Variants in GALNT9 observed in about 807,000 individuals in gnomAD.
The protein encoded by GALNT9 is GalNAc transferase 9.
In GALNT9, 47 loss-of-function variants were observed where a neutral mutation model predicts 63.1. The observed-to-expected ratio is 0.75, with a 90% CI of 0.59 to 0.95. The LOEUF (loss-of-function observed/expected upper bound fraction) is 0.95, where lower values mean the gene tolerates loss of function less well. Among genes scored for constraint, GALNT9 ranks in the 40% least tolerant of loss-of-function variants. The pLI, the probability that GALNT9 is intolerant of heterozygous loss-of-function variation, is 0.00. For synonymous variants in GALNT9, 396 were observed against 365.7 expected (o/e 1.08, Z -0.94); for missense variants, 829 against 874.8 (o/e 0.95, Z 0.66).
chr12:132,292,383 C>T (rs903219827), intron 1 of GALNT9, among the ~76,000 whole-genome samples: 1 of 152,202 alleles, frequency 6.6e-6, no homozygotes, highest in Non-Finnish European at 1.5e-5. Context: ...GGATCTCCCT[C>T]CCCATCCCCG....
intron 5 of GALNT9, among the ~76,000 whole-genome samples, chr12:132,250,329 G>A (rs1417176675): frequency 3.3e-5 from 5 of 152,218 alleles, no homozygotes; most frequent in East Asian, 1.9e-4. Flanking sequence ...GGGTCCCCAC[G>A]GGGAGGGAGG....
chr12:132,267,755 T>TCA (rs782709970), intron 2 of GALNT9, among the ~76,000 whole-genome samples: 4 of 128,234 alleles, frequency 3.1e-5, no homozygotes, highest in Non-Finnish European at 6.0e-5. Context: ...GCACACACAC[T>TCA]CACACACACA....
At chr12:132,271,441 C>T (rs550112643) in intron 2 of GALNT9, among the ~76,000 whole-genome samples, 3 of 152,326 alleles carry the variant, frequency 2.0e-5, no homozygotes, top group African/African-American at 4.8e-5. Context: ...AATTTTATCA[C>T]ACCATAAAAT....
chr12:132,247,610 A>T, intron 6 of GALNT9: 3 of 514,318 alleles, frequency 5.8e-6, no homozygotes, highest in Non-Finnish European at 1.1e-5. Flanking sequence ...CGGACACTGC[A>T]GCCACACTCG....
chr12:132,320,316 C>A (rs183555626), intron 1 of GALNT9, among the ~76,000 whole-genome samples: 1 of 152,320 alleles, frequency 6.6e-6, no homozygotes, highest in East Asian at 1.9e-4. Context: ...GATTCCGCCT[C>A]GAGGACGCGG....
intron 6 of GALNT9, among the ~76,000 whole-genome samples, chr12:132,209,667 G>A (rs959395977): frequency 2.0e-5 from 3 of 152,220 alleles, no homozygotes; most frequent in Non-Finnish European, 4.4e-5. Context: ...TGCATTAGCT[G>A]CTAAAAGACA....
intron 6 of GALNT9, among the ~76,000 whole-genome samples, chr12:132,228,982 C>T (rs1166396683): frequency 6.6e-6 from 1 of 152,298 alleles, no homozygotes; most frequent in Admixed American, 6.5e-5. Flanking sequence ...TCAGAGAGGC[C>T]GCCGGTGTGG....
At chr12:132,198,118 C>T (rs576900040) in intron 9 of GALNT9, among the ~76,000 whole-genome samples, 159 bp from the exon 10 acceptor site, 73 of 152,364 alleles carry the variant, frequency 4.8e-4, no homozygotes, top group African/African-American at 1.4e-3. Flanking sequence ...GGGAGAGGAC[C>T]GCCGGGCAGG....
rs374855751 is a variant in GALNT9, at chr12:132,265,548, G to A, written c.420-2923C>T. Among the ~76,000 whole-genome samples, 12 of 152,190 alleles carry A rather than the reference G, an allele frequency of 7.9e-5. No individual in the cohort carries two copies. Among genetic ancestry groups the A allele is most frequent in the African/African-American group, 2.9e-4 (12 of 41,440 alleles). ...GGTAGGATGAGGAGGCCACACTGACGTCCTTGTTCCCTGTGTGAAGCCCCC... is the reference window on the plus strand; with the variant it reads ...GGTAGGATGAGGAGGCCACACTGACATCCTTGTTCCCTGTGTGAAGCCCCC... On this transcript the variant is annotated intron_variant, in intron 2 of 10. Coordinates refer to ENST00000328957, the MANE Select transcript of GALNT9 (RefSeq NM_001122636.2). The surrounding 1 kb of genome is among the most constrained non-coding windows in gnomAD (Gnocchi z 5.3).
rs1292113894 is a variant in GALNT9, at chr12:132,252,798, G to A, written c.960-4771C>T. The stretch of plus-strand genomic sequence containing the variant: ...CTAGGGAGGCTGAGGCAGGAGAATC[G>A]CTTGAACCTGGGAGGCGGAGGTTGT... On this transcript the variant is annotated intron_variant, in intron 5 of 10. Transcript: ENST00000328957. The surrounding 1 kb of genome is among the most constrained non-coding windows in gnomAD (Gnocchi z 5.2). 6.6e-6 allele frequency among the ~76,000 whole-genome samples: 1 copy of A among 151,904 alleles called. No individual in the cohort carries two copies. The highest frequency in any genetic ancestry group is 1.5e-5 in the Non-Finnish European group (1 of 68,004).
At chr12:132,309,620 G>A (rs555832327) in intron 1 of GALNT9, among the ~76,000 whole-genome samples, 3 of 152,322 alleles carry the variant, frequency 2.0e-5, no homozygotes, top group East Asian at 1.9e-4. Context: ...CAGAGACGAT[G>A]CCACGACTGC....
chr12:132,298,665 C>A (rs1881166921), intron 1 of GALNT9, among the ~76,000 whole-genome samples: 2 of 151,640 alleles, frequency 1.3e-5, no homozygotes, highest in South Asian at 4.2e-4. Context: ...CCATAACTAA[C>A]CCACTCCCAC....
At chr12:132,239,329 GAGAC>G (rs1199197032) in intron 6 of GALNT9, among the ~76,000 whole-genome samples, 1 of 73,112 alleles carries the variant, frequency 1.4e-5, no homozygotes, top group Non-Finnish European at 2.6e-5. Context: ...CTGAGAGAGA[GAGAC>G]AGAGTCAGAG....
At chr12:132,228,272 G>GGCGTCCCTCCCCA (rs1877770430) in intron 6 of GALNT9, among the ~76,000 whole-genome samples, 3 of 151,058 alleles carry the variant, frequency 2.0e-5, no homozygotes, top group African/African-American at 4.9e-5. Context: ...ATCCCTCCCC[G>GGCGTCCCTCCCCA]GCGTCCCTCC....
intron 2 of GALNT9, among the ~76,000 whole-genome samples, chr12:132,267,849 C>T (rs570300404): frequency 2.0e-5 from 2 of 100,614 alleles, no homozygotes; most frequent in African/African-American, 9.8e-5. Flanking sequence ...GCATACAACC[C>T]ACATGCACAC....
chr12:132,197,902 A>T lies in GALNT9; in HGVS notation c.1555T>A (p.Phe519Ile). ...LQLGPLGSTA[F>I]LPDSKCLVDD... ...ACCAGACACTTGGAGTCAGGCAAGAAGGCTGTGGAGCCCAGAGGCCCCAGC... is the reference window on the plus strand; with the variant it reads ...ACCAGACACTTGGAGTCAGGCAAGATGGCTGTGGAGCCCAGAGGCCCCAGC... The change falls in exon 10 of 11, where the codon TTC becomes ATC. Residue 519 changes from phenylalanine (F) to isoleucine (I), a missense_variant. Transcript: ENST00000328957. 6.2e-7 allele frequency: 1 copy of T among 1,611,816 alleles called. No individual in the cohort carries two copies. The highest frequency in any genetic ancestry group is 2.2e-5 in the East Asian group (1 of 44,846).
chr12:132,319,766 G>A lies in GALNT9; in HGVS notation c.238+9200C>T, dbSNP rs531722146. Among the ~76,000 whole-genome samples the A allele has an allele frequency of 2.2e-4, 34 of 152,270 alleles. No homozygotes were observed. In the South Asian group the frequency reaches 6.4e-3, roughly 29 times the overall value. On this transcript the variant is annotated intron_variant, in intron 1 of 10. Coordinates refer to ENST00000328957, the MANE Select transcript of GALNT9 (RefSeq NM_001122636.2). The surrounding 1 kb of genome is among the most constrained non-coding windows in gnomAD (Gnocchi z 5.2). ...TCAGGTCGCCTCGGGTGCTCCTCCC[G>A]CAGCCCCACGTAGACAGAAGACATT...
At chr12:132,229,889 C>T (rs1341837104) in intron 6 of GALNT9, among the ~76,000 whole-genome samples, 21 of 152,212 alleles carry the variant, frequency 1.4e-4, no homozygotes, top group African/African-American at 5.1e-4. Context: ...CACCGTCCGT[C>T]GGTGGTGGAG....
chr12:132,257,407 T>G (rs1879160992), intron 5 of GALNT9, among the ~76,000 whole-genome samples: 1 of 119,646 alleles, frequency 8.4e-6, no homozygotes, highest in African/African-American at 3.1e-5. Flanking sequence ...CTGCACCAGG[T>G]TGTGCTTGCT....
Sources: allele counts gnomAD v4.1 joint callset (sites outside exome capture counted in the v4.1 genomes callset), GRCh38; gene constraint gnomAD v4.1.1; non-coding constraint Gnocchi (gnomAD v3.1); transcripts MANE v1.5; gene names NCBI Gene and HGNC (gene_info 2026-07-23, HGNC 2026-07-21).